HPRT1: variants seen among roughly 807,000 people sequenced by gnomAD.
The protein encoded by HPRT1 is hypoxanthine phosphoribosyltransferase 1.
Under a neutral mutation model 19.0 loss-of-function variants are expected in HPRT1, and 4 were observed. The observed-to-expected ratio is 0.21, with a 90% CI of 0.10 to 0.48. The LOEUF (loss-of-function observed/expected upper bound fraction) is 0.48, where lower values mean the gene tolerates loss of function less well. Ranked by LOEUF, HPRT1 falls within the 20% of genes least tolerant of loss-of-function variation. The probability of loss-of-function intolerance (pLI) is 0.98; values close to 1 mark genes in which losing one functional copy is unlikely to be tolerated. For missense variants in HPRT1, 65 were observed against 164.0 expected (o/e 0.40, Z 3.30); for synonymous variants, 53 against 54.9 (o/e 0.97, Z 0.15).
chrX:134,492,068 T>G (rs960350113), intron 5 of HPRT1, among the ~76,000 whole-genome samples: 23 of 100,954 alleles, frequency 2.3e-4, no homozygotes, highest in African/African-American at 7.7e-4. Context: ...TATATAGTTT[T>G]TTTTTTTTTT....
At chrX:134,486,638 G>A (rs772926936) in intron 4 of HPRT1, 108 bp downstream of exon 4, 1 of 529,773 alleles carries the variant, frequency 1.9e-6, no homozygotes, top group East Asian at 3.9e-5. Flanking sequence ...ATAACTAAAT[G>A]GGTTATTTAA....
chrX:134,474,873 T>TA (rs1174808175), intron 2 of HPRT1, among the ~76,000 whole-genome samples: 1 of 111,275 alleles, frequency 9.0e-6, no homozygotes, highest in African/African-American at 3.3e-5. Flanking sequence ...GTGGAAGATT[T>TA]AAAAAAAATT....
chrX:134,468,754 CAAA>C (rs150188289), intron 1 of HPRT1, among the ~76,000 whole-genome samples: 4 of 32,466 alleles, frequency 1.2e-4, no homozygotes, highest in African/African-American at 4.1e-4. Flanking sequence ...GACTCCGTCT[CAAA>C]AAAAAAAAAA....
rs751463425 is a variant in HPRT1, at chrX:134,480,428, A to G, written c.318+5064A>G. On this transcript the variant is annotated intron_variant, in intron 3 of 8. Coordinates refer to ENST00000298556, the MANE Select transcript of HPRT1 (RefSeq NM_000194.3). ...AGTTGCAGTCAAGGTTCATAAAACT[A>G]TAACTCTTTATCTTTAATTAGAAAT... Among the ~76,000 whole-genome samples, 17 of 103,669 alleles carry G rather than the reference A, an allele frequency of 1.6e-4. No individual in the cohort carries two copies. The South Asian group carries it at 7.0e-3, about 43-fold the overall frequency. 90.0% of individuals were successfully genotyped at this position (103,669 alleles called of 115,157 possible).
intron 4 of HPRT1, among the ~76,000 whole-genome samples, chrX:134,488,584 C>CA (rs1430666720): frequency 1.8e-5 from 2 of 111,607 alleles, no homozygotes; most frequent in Non-Finnish European, 3.8e-5. Context: ...TGGCTATTTT[C>CA]ATTTTATCAA....
intron 2 of HPRT1, among the ~76,000 whole-genome samples, chrX:134,474,133 C>T (rs1466286749): frequency 2.7e-5 from 3 of 111,552 alleles, no homozygotes; most frequent in Non-Finnish European, 3.8e-5. Flanking sequence ...GTGTCTAGAG[C>T]TATCTAATAT....
intron 1 of HPRT1, among the ~76,000 whole-genome samples, chrX:134,467,937 G>C (rs780426223): frequency 1.1e-4 from 12 of 107,558 alleles, no homozygotes; most frequent in African/African-American, 3.7e-4. Context: ...CTCCCTAGTA[G>C]CTGGGATTAC....
At chrX:134,467,931 C>G in intron 1 of HPRT1, among the ~76,000 whole-genome samples, 1 of 107,904 alleles carries the variant, frequency 9.3e-6, no homozygotes, top group Non-Finnish European at 1.9e-5. Context: ...CTCAGCCTCC[C>G]TAGTAGCTGG....
At position 134,500,278 on chromosome X, in the gene HPRT1, A is replaced by G. The variant is rs185836119; in HGVS notation, c.*201A>G. The G allele has an allele frequency of 1.3e-4, 53 of 408,104 alleles. No individual in the cohort carries two copies. In the East Asian group the frequency reaches 2.1e-3, roughly 16 times the overall value. 33.6% of individuals were successfully genotyped at this position (408,104 alleles called of 1,213,427 possible). On this transcript the variant is annotated 3_prime_UTR_variant, in exon 9 of 9. Coordinates refer to ENST00000298556, the MANE Select transcript of HPRT1 (RefSeq NM_000194.3). The stretch of plus-strand genomic sequence containing the variant: ...TATTTGCACTATGAGCCTATAGACT[A>G]TCAGTTCCCTTTGGGCGGATTGTTG...
intron 3 of HPRT1, among the ~76,000 whole-genome samples, chrX:134,485,802 C>T (rs976145429): frequency 8.9e-6 from 1 of 111,985 alleles, no homozygotes; most frequent in African/African-American, 3.2e-5. Flanking sequence ...GAATCCAGCA[C>T]AGCCAAATTA....
rs1206875995 is a variant in HPRT1, at chrX:134,499,892, G to T, written c.610-138G>T. The T allele has an allele frequency of 1.0e-5, 5 of 478,804 alleles. No homozygotes were observed. The East Asian group carries it at 1.1e-4, about 11-fold the overall frequency. 39.5% of individuals were successfully genotyped at this position (478,804 alleles called of 1,213,427 possible). On this transcript the variant is annotated intron_variant, in intron 8 of 8. Coordinates refer to ENST00000298556, the MANE Select transcript of HPRT1 (RefSeq NM_000194.3). ...AAAGATACACTCCCCAAAAGTTACT[G>T]ATCTAAAATACAGTAGTACTATCTC...
At chrX:134,492,629 C>G (rs1394046713) in intron 5 of HPRT1, 1 of 286,935 alleles carries the variant, frequency 3.5e-6, no homozygotes, top group Non-Finnish European at 6.7e-6. Context: ...ATGACAGTCT[C>G]ACAACATGGC....
intron 3 of HPRT1, among the ~76,000 whole-genome samples, chrX:134,477,067 A>ATTT (rs1250397909): frequency 1.2e-5 from 1 of 84,247 alleles, no homozygotes; most frequent in African/African-American, 4.7e-5. Flanking sequence ...TTATTTATTT[A>ATTT]TTTTTTTTTT....
At chrX:134,499,406 A>T (rs2077689357) in intron 8 of HPRT1, among the ~76,000 whole-genome samples, 1 of 111,359 alleles carries the variant, frequency 9.0e-6, no homozygotes, top group South Asian at 3.8e-4. Flanking sequence ...GGAACCCGGG[A>T]GGCAGAGGCT....
Position 134,498,683 on chromosome X carries a change from A to G in HPRT1, c.608A>G (p.Asn203Ser). The change falls in exon 8 of 9, where the codon AAT becomes AGT. Residue 203 changes from asparagine (N) to serine (S), a missense_variant and splice_region_variant. By Grantham distance (46) the Asn-to-Ser change is conservative. Around this residue, in one of 4 missense-constraint regions of HPRT1, gnomAD observed 16 missense variants for 65.7 expected, o/e 0.24. Coordinates refer to ENST00000298556, the MANE Select transcript of HPRT1 (RefSeq NM_000194.3). ...TATAATGAATACTTCAGGGATTTGA[A>G]TGTAAGTAATTGCTTCTTTTTCTCA... ...LDYNEYFRDLNHVCVISETGK... is the reference protein window; with the variant it reads ...LDYNEYFRDLSHVCVISETGK... 1 of 1,110,360 alleles carries G rather than the reference A, an allele frequency of 9.0e-7. No homozygotes were observed. Among genetic ancestry groups the G allele is most frequent in the Non-Finnish European group, 1.2e-6 (1 of 802,882 alleles). 91.5% of individuals were successfully genotyped at this position (1,110,360 alleles called of 1,213,427 possible).
chrX:134,467,617 A>G (rs1049481179), intron 1 of HPRT1, among the ~76,000 whole-genome samples: 2 of 111,207 alleles, frequency 1.8e-5, no homozygotes, highest in African/African-American at 6.5e-5. Context: ...TCTAGCTCTT[A>G]TAGAGATTGA....
chrX:134,466,921 CTG>C (rs2077598230), intron 1 of HPRT1, among the ~76,000 whole-genome samples: 1 of 110,192 alleles, frequency 9.1e-6, no homozygotes, highest in African/African-American at 3.3e-5. Context: ...GTATATATAA[CTG>C]TTTTTGGTAA....
intron 1 of HPRT1, 75 bp from the exon 2 acceptor site, chrX:134,473,284 T>C: frequency 1.5e-6 from 1 of 674,719 alleles, no homozygotes; most frequent in Non-Finnish European, 2.4e-6. Context: ...CTAAGGTTAT[T>C]TTTTAACATC....
rs765213741 is a variant in HPRT1, at chrX:134,488,694, C to G, written c.385-1494C>G. 2.7e-5 allele frequency among the ~76,000 whole-genome samples: 3 copies of G among 110,840 alleles called. No homozygotes were observed. The South Asian group carries it at 1.1e-3, about 42-fold the overall frequency. On this transcript the variant is annotated intron_variant, in intron 4 of 8. Coordinates refer to ENST00000298556, the MANE Select transcript of HPRT1 (RefSeq NM_000194.3). ...ATGGCATTCTTTTGTTTTTTAGACT[C>G]TAGTGTCTGTACTCGTTGTACCATG...
Sources: gnomAD v4.1 joint callset for allele counts (sites outside exome capture counted in the v4.1 genomes callset) on GRCh38, gnomAD v4.1.1 for gene constraint, gnomAD v4.1.1 regional missense constraint, MANE v1.5 for transcripts, NCBI Gene and HGNC (gene_info 2026-07-23, HGNC 2026-07-21) for gene names.